AMOTL1: variants seen among roughly 807,000 people sequenced by gnomAD.
AMOTL1 encodes angiomotin like 1, also known as angiomotin-like protein 1.
In AMOTL1, 45 loss-of-function variants were observed where a neutral mutation model predicts 102.9. The ratio of observed to expected loss-of-function variants is 0.44; its 90% confidence interval spans 0.34 to 0.56. The LOEUF (loss-of-function observed/expected upper bound fraction) is 0.56, where lower values mean the gene tolerates loss of function less well. Ranked by LOEUF, AMOTL1 falls within the 20% of genes least tolerant of loss-of-function variation. The pLI, the probability that AMOTL1 is intolerant of heterozygous loss-of-function variation, is 0.01. For synonymous variants in AMOTL1, 481 were observed against 484.7 expected, an observed-to-expected ratio of 0.99 and a Z score of 0.10; for missense variants, 1,114 against 1,225.6, an observed-to-expected ratio of 0.91 and a Z score of 1.36.
intron 11 of AMOTL1, among the ~76,000 whole-genome samples, chr11:94,867,488 C>T (rs1406665056): frequency 6.6e-6 from 1 of 152,222 alleles, no homozygotes; most frequent in African/African-American, 2.4e-5. Flanking sequence ...GCCCCAGGAC[C>T]TGGCATGTCT....
chr11:94,783,430 A>G (rs753985081), intron 1 of AMOTL1, among the ~76,000 whole-genome samples: 15 of 152,214 alleles, frequency 9.9e-5, no homozygotes, highest in Non-Finnish European at 1.8e-4. Context: ...GGCTGATGAT[A>G]AATTAGGGGT....
At chr11:94,804,693 T>C (rs996551597) in intron 3 of AMOTL1, among the ~76,000 whole-genome samples, 1 of 152,180 alleles carries the variant, frequency 6.6e-6, no homozygotes, top group Admixed American at 6.5e-5. Flanking sequence ...ATCTCAAAAA[T>C]AGGCTTTTTG....
chr11:94,857,068 C>G (rs2135723577), intron 8 of AMOTL1, among the ~76,000 whole-genome samples: 1 of 152,268 alleles, frequency 6.6e-6, no homozygotes, highest in African/African-American at 2.4e-5. Context: ...CAGGGTTAAA[C>G]CAGCCACGGT....
At position 94,864,821 on chromosome 11, in the gene AMOTL1, T is replaced by A; in HGVS notation, c.2222T>A (p.Val741Glu). 1 of 1,613,266 alleles carries A rather than the reference T, an allele frequency of 6.2e-7. No individual in the cohort carries two copies. The highest frequency in any genetic ancestry group is 8.5e-7 in the Non-Finnish European group (1 of 1,179,624). The change falls in exon 10 of 13, where the codon GTG becomes GAG. Residue 741 changes from valine (V) to glutamate (E), a missense_variant. Coordinates refer to ENST00000433060, the MANE Select transcript of AMOTL1 (RefSeq NM_130847.3). ...CACATCTGGCAAGAGGAGGAGGAGG[T>A]GGTGCAGGCCAACAGAAGGTGTCAG... is the stretch of plus-strand genomic sequence containing the variant. ...EAHIWQEEEE[V>E]VQANRRCQDM...
rs371026557 is a variant in AMOTL1, at chr11:94,807,178, C to T, written c.1121+6867C>T. On this transcript the variant is annotated intron_variant, in intron 3 of 12. Transcript: ENST00000433060. ...CCCAAAAGAAAGAAAATAGAAATTGCCTCAGTCTTATTATCCAGAGATACC... is the reference window on the plus strand; with the variant it reads ...CCCAAAAGAAAGAAAATAGAAATTGTCTCAGTCTTATTATCCAGAGATACC... Among the ~76,000 whole-genome samples, 50 of 152,228 alleles carry T rather than the reference C, an allele frequency of 3.3e-4. 1 individual carries two copies. The highest frequency in any genetic ancestry group is 1.0e-3 in the African/African-American group (43 of 41,540).
At chr11:94,821,993 C>G (rs774428563) in intron 4 of AMOTL1, among the ~76,000 whole-genome samples, 172 bp downstream of exon 4, 10 of 152,208 alleles carry the variant, frequency 6.6e-5, no homozygotes, top group Middle Eastern at 6.8e-3. Context: ...CTTGGAGGAG[C>G]TTACATTCCA....
chr11:94,865,921 C>CTGTTT (rs745390827), intron 10 of AMOTL1, 21 bp from the exon 11 acceptor site: 6 of 1,597,420 alleles, frequency 3.8e-6, no homozygotes, highest in South Asian at 1.1e-5. Flanking sequence ...TTTATGGAGA[C>CTGTTT]TGTTTTGTTT....
In AMOTL1 at chr11:94,799,317, T is replaced by C. The variant is rs1384368645; in HGVS notation, c.200-73T>C. 8.3e-6 allele frequency: 10 copies of C among 1,205,584 alleles called. No homozygotes were observed. Among genetic ancestry groups the C allele is most frequent in the Non-Finnish European group, 1.1e-5 (10 of 875,308 alleles). The allele number at this position is 1,205,584 out of a possible 1,614,324, so 74.7% of individuals were successfully genotyped here. ...GTTGCTGTAGTTAGAATGTTAATTA[T>C]GTACCACATAGTCACAGACATATAT... On this transcript the variant is annotated intron_variant, in intron 2 of 12. Coordinates refer to ENST00000433060, the MANE Select transcript of AMOTL1 (RefSeq NM_130847.3). This position sits in a 1 kb window ranked among gnomAD's most constrained non-coding sequence, Gnocchi z 4.5.
At chr11:94,801,028 T>G (rs1951468314) in intron 3 of AMOTL1, among the ~76,000 whole-genome samples, 1 of 152,176 alleles carries the variant, frequency 6.6e-6, no homozygotes, top group African/African-American at 2.4e-5. Context: ...TAGCATTGTC[T>G]TGGAGGAAAC....
At chr11:94,752,530 A>G (rs888413413) in intron 3 of AMOTL1, among the ~76,000 whole-genome samples, 1 of 152,160 alleles carries the variant, frequency 6.6e-6, no homozygotes, top group Admixed American at 6.5e-5. Context: ...CATGGCACAT[A>G]TGTGTGGTTA....
At chr11:94,735,835 T>C (rs1476344872) in intron 2 of AMOTL1, among the ~76,000 whole-genome samples, 3 of 152,164 alleles carry the variant, frequency 2.0e-5, no homozygotes, top group African/African-American at 7.2e-5. Flanking sequence ...TTTTTTCCTT[T>C]ACAGCAAACA....
rs2135716210 is a variant in AMOTL1 at position 94,853,783 on chromosome 11, T to C, written c.1795-150T>C. On this transcript the variant is annotated intron_variant, in intron 7 of 12. Coordinates refer to ENST00000433060, the MANE Select transcript of AMOTL1 (RefSeq NM_130847.3). Reference sequence around the variant, plus strand: ...TATGTGTAAATCTTTTCTGTTCCAGTGCACTTGAAGGATAGGAGTAGGGCG... The same window carrying C: ...TATGTGTAAATCTTTTCTGTTCCAGCGCACTTGAAGGATAGGAGTAGGGCG... 26 of 784,758 alleles carry C rather than the reference T, an allele frequency of 3.3e-5. No homozygotes were observed. In the South Asian group the frequency reaches 4.1e-4, roughly 12 times the overall value. 48.6% of individuals were successfully genotyped at this position (784,758 alleles called of 1,614,324 possible). A position where few individuals can be genotyped will look rare whatever the true frequency, so the allele number is the denominator to read the frequency against.
chr11:94,813,345 C>T (rs1355575693), intron 3 of AMOTL1, among the ~76,000 whole-genome samples: 1 of 152,156 alleles, frequency 6.6e-6, no homozygotes, highest in East Asian at 1.9e-4. Flanking sequence ...CAAGACACTC[C>T]ATCTGGGCTC....
chr11:94,809,456 G>T (rs1951631969), intron 3 of AMOTL1, among the ~76,000 whole-genome samples: 1 of 152,192 alleles, frequency 6.6e-6, no homozygotes, highest in African/African-American at 2.4e-5. Context: ...CCAGAACCAT[G>T]CTCTGGTTGT....
At chr11:94,821,068 C>A (rs1591999812) in intron 3 of AMOTL1, among the ~76,000 whole-genome samples, 1 of 152,256 alleles carries the variant, frequency 6.6e-6, no homozygotes, top group Admixed American at 6.5e-5. Context: ...TCCTTTCCCC[C>A]ACTTCTTCAC....
In AMOTL1 at chr11:94,799,404, T is replaced by C. The variant is rs1951425844; in HGVS notation, c.214T>C (p.Cys72Arg). Residue 72 changes from cysteine (C) to arginine (R), a missense_variant, in exon 3 of 13, where the codon TGT becomes CGT. By Grantham distance (180) the Cys-to-Arg change is radical. Transcript: ENST00000433060. The surrounding 1 kb of genome is among the most constrained non-coding windows in gnomAD (Gnocchi z 4.5). ...TTATCTTTTAGTTGAAGATCCTCTT[T>C]GTAACTTCCACTCCCCAAACTTCCT... ...IREKVVEDPL[C>R]NFHSPNFLRI... The C allele has an allele frequency of 6.4e-7, 1 of 1,572,754 alleles. No individual in the cohort carries two copies. Among genetic ancestry groups the C allele is most frequent in the South Asian group, 1.2e-5 (1 of 85,936 alleles).
intron 3 of AMOTL1, among the ~76,000 whole-genome samples, chr11:94,809,081 C>T (rs1336452953): frequency 6.6e-6 from 1 of 151,056 alleles, no homozygotes; most frequent in East Asian, 1.9e-4. Flanking sequence ...AGTGATTCTC[C>T]TACCTCAGCC....
chr11:94,859,579 C>T lies in AMOTL1; in HGVS notation c.1999C>T (p.Leu667=). The change falls in exon 9 of 13, where the codon CTG becomes TTG. Residue 667 remains leucine (L), a synonymous_variant. Coordinates refer to ENST00000433060, the MANE Select transcript of AMOTL1 (RefSeq NM_130847.3). ...NMPEYNAPAL[L]ELVREKEERI... Reference sequence around the variant, plus strand: ...GCCGGAATACAATGCCCCAGCCCTCCTGGAACTTGTGCGGGAGAAGGAGGA... The same window carrying T: ...GCCGGAATACAATGCCCCAGCCCTCTTGGAACTTGTGCGGGAGAAGGAGGA... 7 of 1,613,896 alleles carry T rather than the reference C, an allele frequency of 4.3e-6. No homozygotes were observed. The highest frequency in any genetic ancestry group is 5.1e-6 in the Non-Finnish European group (6 of 1,179,860).
rs148467141 is a variant in AMOTL1, at chr11:94,754,115, T to G, written c.136+13127T>G. ...TTGGAAGGGGTTAAGTGAGATAATATATGTAGAGTGCCCAGCACATATTTG... is the reference window on the plus strand; with the variant it reads ...TTGGAAGGGGTTAAGTGAGATAATAGATGTAGAGTGCCCAGCACATATTTG... On this transcript the variant is annotated intron_variant, in intron 3 of 4. Coordinates refer to the AMOTL1 transcript ENST00000299004. Among the ~76,000 whole-genome samples, 868 of 152,086 alleles carry G rather than the reference T, an allele frequency of 5.7e-3. 11 individuals carry two copies. The highest frequency in any genetic ancestry group is 0.02 in the African/African-American group (824 of 41,476).
Sources: gnomAD v4.1 joint callset for allele counts (sites outside exome capture counted in the v4.1 genomes callset) on GRCh38, gnomAD v4.1.1 for gene constraint, Gnocchi (gnomAD v3.1) non-coding constraint, MANE v1.5 for transcripts, NCBI Gene and HGNC (gene_info 2026-07-23, HGNC 2026-07-21) for gene names.